Variants in PTPRN2 observed in about 807,000 individuals in gnomAD.
PTPRN2 encodes protein tyrosine phosphatase receptor type N2, also known as receptor-type tyrosine-protein phosphatase N2.
A neutral mutation model predicts 118.8 loss-of-function variants in PTPRN2; 74 were observed. The observed-to-expected ratio is 0.62, with a 90% CI of 0.52 to 0.76. The LOEUF (loss-of-function observed/expected upper bound fraction) is 0.76, where lower values mean the gene tolerates loss of function less well. Among genes scored for constraint, PTPRN2 ranks in the 30% least tolerant of loss-of-function variants. The pLI, the probability that PTPRN2 is intolerant of heterozygous loss-of-function variation, is 0.00. For synonymous variants in PTPRN2, 641 were observed against 608.0 expected (o/e 1.05, Z -0.80); for missense variants, 1,481 against 1,394.4 (o/e 1.06, Z -0.99).
intron 4 of PTPRN2, among the ~76,000 whole-genome samples, chr7:158,200,436 C>A (rs1585828091): frequency 6.6e-6 from 1 of 152,138 alleles, no homozygotes; most frequent in Non-Finnish European, 1.5e-5. Context: ...AACACATCAA[C>A]CCCCAAAGAA....
intron 1 of PTPRN2, among the ~76,000 whole-genome samples, chr7:158,542,639 A>G (rs1826055169): frequency 6.6e-6 from 1 of 152,236 alleles, no homozygotes; most frequent in African/African-American, 2.4e-5. Flanking sequence ...CAACCCAAGC[A>G]AGTGAGCTCC....
In PTPRN2 at chr7:157,881,013, CTTCCG is replaced by C; in HGVS notation, c.1788+17655_1788+17659del. Among the ~76,000 whole-genome samples, 2 of 152,204 alleles carry C rather than the reference CTTCCG, an allele frequency of 1.3e-5. No individual in the cohort carries two copies. Among genetic ancestry groups the C allele is most frequent in the South Asian group, 4.1e-4 (2 of 4,834 alleles). ...CCTATGGGAAGCTCTAATCCCAGAA[CTTCCG>C]AATGTGACTGTATGTGGAGATGGAG... is the stretch of plus-strand genomic sequence containing the variant. On this transcript the variant is annotated intron_variant, in intron 12 of 22. Coordinates refer to ENST00000389418, the MANE Select transcript of PTPRN2 (RefSeq NM_002847.5). This position sits in a 1 kb window ranked among gnomAD's most constrained non-coding sequence, Gnocchi z 4.7.
intron 2 of PTPRN2, among the ~76,000 whole-genome samples, chr7:158,450,888 A>G (rs1818053625): frequency 6.6e-6 from 1 of 152,172 alleles, no homozygotes; most frequent in African/African-American, 2.4e-5. Context: ...CAGCCGCAGC[A>G]AACACACCTC....
At chr7:158,157,280 G>A (rs751865852) in intron 6 of PTPRN2, among the ~76,000 whole-genome samples, 9 of 152,212 alleles carry the variant, frequency 5.9e-5, no homozygotes, top group Admixed American at 6.5e-5. Context: ...GTGCCTTTAG[G>A]TGCCCTGCCA....
rs531390828 is a variant in PTPRN2 at position 158,250,363 on chromosome 7, T to G, written c.278-45090A>C. 9.9e-5 allele frequency among the ~76,000 whole-genome samples: 15 copies of G among 152,278 alleles called. No homozygotes were observed. The East Asian group carries it at 2.7e-3, about 27-fold the overall frequency. On this transcript the variant is annotated intron_variant, in intron 3 of 22. Transcript: ENST00000389418. ...ATATAGGTTATTTATTGTTATACAT[T>G]TATAGCATAATGCATGCCTATTTAA...
At chr7:158,063,211 G>C (rs1172662082) in intron 11 of PTPRN2, among the ~76,000 whole-genome samples, 3 of 151,852 alleles carry the variant, frequency 2.0e-5, no homozygotes. Context: ...ATGGGGACTT[G>C]GAGAACATTT....
intron 11 of PTPRN2, among the ~76,000 whole-genome samples, chr7:158,034,176 G>A (rs115044287): frequency 0.015 from 2,135 of 142,140 alleles, 63 homozygotes; most frequent in African/African-American, 0.052. Flanking sequence ...CTGGGTGAGC[G>A]TCCCTGGTCA....
intron 10 of PTPRN2, among the ~76,000 whole-genome samples, chr7:158,091,773 G>A (rs1416480303): frequency 6.7e-6 from 1 of 149,870 alleles, no homozygotes; most frequent in Non-Finnish European, 1.5e-5. Context: ...TAGAGAGATG[G>A]TTGGGTGGGT....
Position 157,801,076 on chromosome 7 carries a change from T to TATAC in PTPRN2, c.1788+97596_1788+97597insGTAT, listed in dbSNP as rs1554451692. 1.3e-5 allele frequency among the ~76,000 whole-genome samples: 2 copies of TATAC among 148,788 alleles called. No individual in the cohort carries two copies. The highest frequency in any genetic ancestry group is 4.9e-5 in the African/African-American group (2 of 40,846). On this transcript the variant is annotated intron_variant, in intron 12 of 22. Transcript: ENST00000389418. This position sits in a 1 kb window ranked among gnomAD's most constrained non-coding sequence, Gnocchi z 4.2. ...ATACACATATATATACACATATATA[T>TATAC]ACACACACACACACATATATATATG...
At chr7:157,805,652 G>A (rs1805587634) in intron 12 of PTPRN2, among the ~76,000 whole-genome samples, 1 of 152,292 alleles carries the variant, frequency 6.6e-6, no homozygotes, top group South Asian at 2.1e-4. Context: ...GTTAAGCGGT[G>A]GGGGCAGGGC....
At chr7:158,498,937 C>A (rs1822156824) in intron 1 of PTPRN2, among the ~76,000 whole-genome samples, 3 of 152,236 alleles carry the variant, frequency 2.0e-5, no homozygotes, top group Admixed American at 6.5e-5. Context: ...GTGAACCACA[C>A]AGCCTACCCT....
intron 21 of PTPRN2, among the ~76,000 whole-genome samples, chr7:157,558,348 C>T (rs1029994444): frequency 4.6e-5 from 7 of 152,146 alleles, no homozygotes; most frequent in East Asian, 3.9e-4. Flanking sequence ...CTGGAGCATC[C>T]GTGTGATGGG....
chr7:158,093,561 A>G lies in PTPRN2; in HGVS notation c.1644-12184T>C, dbSNP rs939163648. Among the ~76,000 whole-genome samples the G allele has an allele frequency of 6.6e-6, 1 of 152,226 alleles. No homozygotes were observed. The highest frequency in any genetic ancestry group is 1.5e-5 in the Non-Finnish European group (1 of 68,040). ...CTGGGCTAATCCAAGCTACCGACAGAAAACCAATAAAAAAATGAGCTCACG... is the reference window on the plus strand; with the variant it reads ...CTGGGCTAATCCAAGCTACCGACAGGAAACCAATAAAAAAATGAGCTCACG... On this transcript the variant is annotated intron_variant, in intron 10 of 22. Transcript: ENST00000389418. The surrounding 1 kb of genome is among the most constrained non-coding windows in gnomAD (Gnocchi z 4.4).
intron 2 of PTPRN2, among the ~76,000 whole-genome samples, chr7:158,481,314 T>A (rs1027479781): frequency 2.0e-5 from 3 of 152,342 alleles, no homozygotes; most frequent in South Asian, 4.1e-4. Context: ...TCAAAAAAGA[T>A]TCCTTTCAAA....
chr7:158,117,566 C>T (rs181082833), intron 9 of PTPRN2, among the ~76,000 whole-genome samples: 2 of 152,060 alleles, frequency 1.3e-5, no homozygotes, highest in Non-Finnish European at 2.9e-5. Flanking sequence ...TATAAGCATC[C>T]AAGAAGCTCA....
chr7:157,633,809 A>G (rs1420301752), intron 14 of PTPRN2, among the ~76,000 whole-genome samples: 2 of 152,256 alleles, frequency 1.3e-5, no homozygotes, highest in Non-Finnish European at 2.9e-5. Flanking sequence ...CCGGCAGACC[A>G]GGAGCTGTTG....
At chr7:158,545,576 C>T (rs772054646) in intron 1 of PTPRN2, among the ~76,000 whole-genome samples, 7 of 152,160 alleles carry the variant, frequency 4.6e-5, no homozygotes, top group African/African-American at 7.2e-5. Context: ...CACCCCGCTC[C>T]GTGTGGCTGA....
At chr7:157,910,389 C>T (rs992757260) in intron 11 of PTPRN2, among the ~76,000 whole-genome samples, 3 of 142,314 alleles carry the variant, frequency 2.1e-5, no homozygotes, top group African/African-American at 7.9e-5. Flanking sequence ...GCACGTACGC[C>T]GTGGGGACGG....
intron 3 of PTPRN2, among the ~76,000 whole-genome samples, chr7:158,273,034 A>C (rs765778552): frequency 3.9e-5 from 6 of 152,204 alleles, no homozygotes; most frequent in Non-Finnish European, 8.8e-5. Flanking sequence ...ACAGCTCAGA[A>C]TGTAAAGGGG....
Sources: allele counts gnomAD v4.1 joint callset (sites outside exome capture counted in the v4.1 genomes callset), GRCh38; gene constraint gnomAD v4.1.1; non-coding constraint Gnocchi (gnomAD v3.1); transcripts MANE v1.5; gene names NCBI Gene and HGNC (gene_info 2026-07-23, HGNC 2026-07-21).